Variants in CTTN observed in about 807,000 individuals in gnomAD.
CTTN encodes the protein src substrate cortactin.
In CTTN, 28 loss-of-function variants were observed where a neutral mutation model predicts 84.0. That is an observed-to-expected ratio of 0.33 (90% CI 0.25 to 0.46). The LOEUF (loss-of-function observed/expected upper bound fraction) is 0.46, where lower values mean the gene tolerates loss of function less well. Ranked by LOEUF, CTTN falls within the 20% of genes least tolerant of loss-of-function variation. The pLI is 1.00. For missense variants in CTTN, 641 were observed against 723.8 expected (o/e 0.89, Z 1.31); for synonymous variants, 301 against 288.8 (o/e 1.04, Z -0.43).
intron 15 of CTTN, among the ~76,000 whole-genome samples, chr11:70,432,402 CCA>C (rs888159429): frequency 2.0e-5 from 3 of 152,198 alleles, no homozygotes; most frequent in Admixed American, 2.0e-4. Flanking sequence ...CTGGCTCTTC[CCA>C]GATCTCCTGG....
chr11:70,406,152 C>T (rs2058038889), intron 2 of CTTN, among the ~76,000 whole-genome samples: 2 of 152,240 alleles, frequency 1.3e-5, no homozygotes, highest in African/African-American at 4.8e-5. Flanking sequence ...ACTGTTAGTC[C>T]TGCTACACCC....
At chr11:70,413,377 G>C (rs1225818002) in intron 5 of CTTN, among the ~76,000 whole-genome samples, 1 of 152,226 alleles carries the variant, frequency 6.6e-6, no homozygotes, top group African/African-American at 2.4e-5. Flanking sequence ...TGAGGAGGGA[G>C]CCTCAGAACC....
In CTTN at chr11:70,435,189, G is replaced by T; in HGVS notation, c.*27G>T. ...GCCCCCAGCCCCCCCCCGGAGCTGC[G>T]CCCTGGATCCTCACACTACAGATCA... On this transcript the variant is annotated 3_prime_UTR_variant, in exon 18 of 18. Coordinates refer to ENST00000301843, the MANE Select transcript of CTTN (RefSeq NM_005231.4). 1 of 1,587,800 alleles carries T rather than the reference G, an allele frequency of 6.3e-7. No homozygotes were observed.
At chr11:70,424,705 C>T (rs897485754) in intron 12 of CTTN, among the ~76,000 whole-genome samples, 11 of 151,736 alleles carry the variant, frequency 7.2e-5, no homozygotes, top group African/African-American at 1.9e-4. Context: ...GAAGGACAGG[C>T]GGGCCAGGAA....
intron 14 of CTTN, among the ~76,000 whole-genome samples, chr11:70,430,764 C>T (rs1164053713): frequency 1.3e-5 from 2 of 152,242 alleles, no homozygotes; most frequent in Admixed American, 1.3e-4. Context: ...GCAGCATCAA[C>T]TCAGACTCCC....
chr11:70,425,303 C>T lies in CTTN; in HGVS notation c.958-29C>T, dbSNP rs375574629. The T allele has an allele frequency of 6.3e-6, 10 of 1,590,120 alleles. No homozygotes were observed. In the African/African-American group the frequency reaches 1.1e-4, roughly 17 times the overall value. ...GGCATGGAGAAAAGAGAAAAGTGCT[C>T]TCCTGACGCCCATGTCCTGTCTCTG... On this transcript the variant is annotated intron_variant, in intron 12 of 17. Coordinates refer to ENST00000301843, the MANE Select transcript of CTTN (RefSeq NM_005231.4).
intron 11 of CTTN, chr11:70,422,310 G>A (rs911009997): frequency 1.1e-5 from 4 of 362,862 alleles, no homozygotes; most frequent in African/African-American, 4.3e-5. Context: ...CACCTGCAGC[G>A]TTAGAAACAC....
chr11:70,413,658 C>T (rs2058121396), intron 5 of CTTN, among the ~76,000 whole-genome samples: 1 of 152,190 alleles, frequency 6.6e-6, no homozygotes, highest in South Asian at 2.1e-4. Context: ...AACCTGTGTG[C>T]GCTGATGGGG....
intron 4 of CTTN, among the ~76,000 whole-genome samples, chr11:70,409,389 A>G (rs190693269): frequency 6.6e-6 from 1 of 152,346 alleles, no homozygotes; most frequent in East Asian, 1.9e-4. Flanking sequence ...AAGCTGGAGT[A>G]CTTCAAGTAC....
Position 70,420,400 on chromosome 11 carries a change from A to G in CTTN, c.680A>G (p.Asp227Gly). 2 of 1,609,158 alleles carry G rather than the reference A, an allele frequency of 1.2e-6. No individual in the cohort carries two copies. The highest frequency in any genetic ancestry group is 1.7e-6 in the Non-Finnish European group (2 of 1,175,400). The change falls in exon 10 of 18, where the codon GAC (aspartate) becomes GGC (glycine). Residue 227 changes from aspartate to glycine, a missense_variant and splice_region_variant. Asp to Gly is a moderately conservative substitution (Grantham distance 94). Transcript: ENST00000301843. ...TTCTGGCCTTTCATTGTGCATGTAG[A>G]CTATGTGAAAGGGTTTGGAGGAAAA... Reference protein sequence around the residue: ...GKTEKHESQKDYVKGFGGKFG... With the variant: ...GKTEKHESQKGYVKGFGGKFG...
intron 13 of CTTN, among the ~76,000 whole-genome samples, chr11:70,427,893 AT>A (rs34342669): frequency 0.2 from 29,694 of 152,100 alleles, 3,369 homozygotes; most frequent in Admixed American, 0.26. Flanking sequence ...GAAAGCTGGA[AT>A]TTTCCCGTTG....
At chr11:70,423,587 C>T (rs990953060) in intron 12 of CTTN, among the ~76,000 whole-genome samples, 2 of 152,166 alleles carry the variant, frequency 1.3e-5, no homozygotes, top group East Asian at 1.9e-4. Context: ...GGAGCAGTAG[C>T]CTGGGCTCAT....
chr11:70,411,450 G>A (rs912325029), intron 5 of CTTN, among the ~76,000 whole-genome samples: 1 of 152,208 alleles, frequency 6.6e-6, no homozygotes, highest in East Asian at 1.9e-4. Context: ...ACGGACAGAC[G>A]GAATCCATGT....
rs2058221201 is a variant in CTTN, at chr11:70,420,565, T to C, written c.790+55T>C. The stretch of plus-strand genomic sequence containing the variant: ...GTTTTAGAAGTTTGTTTTTGTTCCT[T>C]GCGGGGTCAGTTGGTATGTGTTGTG... On this transcript the variant is annotated intron_variant, in intron 10 of 17. Coordinates refer to ENST00000301843, the MANE Select transcript of CTTN (RefSeq NM_005231.4). The C allele has an allele frequency of 1.1e-5, 14 of 1,320,684 alleles. No homozygotes were observed. The South Asian group carries it at 1.7e-4, about 16-fold the overall frequency. 81.8% of individuals were successfully genotyped at this position (1,320,684 alleles called of 1,614,324 possible). A position where few individuals can be genotyped will look rare whatever the true frequency, so the allele number is the denominator to read the frequency against.
chr11:70,412,383 A>T (rs2058104639), intron 5 of CTTN, among the ~76,000 whole-genome samples: 1 of 152,162 alleles, frequency 6.6e-6, no homozygotes, highest in Admixed American at 6.6e-5. Context: ...TGATCGCACC[A>T]TTACAGTCCA....
In CTTN at chr11:70,435,278, T is replaced by TTTTTTG; in HGVS notation, c.*116_*117insTTTTTG. 3 of 1,113,744 alleles carry TTTTTTG rather than the reference T, an allele frequency of 2.7e-6. No homozygotes were observed. Among genetic ancestry groups the TTTTTTG allele is most frequent in the South Asian group, 1.9e-5 (1 of 52,412 alleles). The allele number at this position is 1,113,744 out of a possible 1,614,324, so 69.0% of individuals were successfully genotyped here. A position where few individuals can be genotyped will look rare whatever the true frequency, so the allele number is the denominator to read the frequency against. ...GTTTTTTTTTTTTTTTTTTTTTTTT[T>TTTTTTG]GAAGGTGGGGAGGGGAATATACACA... is the stretch of plus-strand genomic sequence containing the variant. On this transcript the variant is annotated 3_prime_UTR_variant, in exon 18 of 18. Transcript: ENST00000301843.
Position 70,429,197 on chromosome 11 carries a change from G to T in CTTN, c.1174G>T (p.Glu392Ter). Residue 392 changes from glutamate (E) to a stop codon, truncating the protein, a stop_gained and splice_region_variant, in exon 14 of 18, where the codon GAG becomes TAG. Transcript: ENST00000301843. LOFTEE classifies it high-confidence loss of function. ...QEQEEARRKL[E>*]EQARAKTQTP... ...GCAGGAAGAGGCCAGGAGGAAGCTGGAGGTGAGTGGCAAGGAGTGGGCCGC... is the reference window on the plus strand; with the variant it reads ...GCAGGAAGAGGCCAGGAGGAAGCTGTAGGTGAGTGGCAAGGAGTGGGCCGC... 1 of 1,611,576 alleles carries T rather than the reference G, an allele frequency of 6.2e-7. No homozygotes were observed. The highest frequency in any genetic ancestry group is 8.5e-7 in the Non-Finnish European group (1 of 1,179,224).
chr11:70,422,440 C>A, intron 11 of CTTN: 2 of 1,145,590 alleles, frequency 1.7e-6, no homozygotes, highest in Middle Eastern at 2.3e-4. Context: ...TCATGTGGAT[C>A]TGTGTTGCTG....
intron 13 of CTTN, among the ~76,000 whole-genome samples, chr11:70,425,867 C>A (rs573628551): frequency 6.6e-6 from 1 of 152,350 alleles, no homozygotes; most frequent in African/African-American, 2.4e-5. Context: ...CTTTTCTGTG[C>A]TGGACACACG....
Sources: gnomAD v4.1 joint callset for allele counts (sites outside exome capture counted in the v4.1 genomes callset) on GRCh38, gnomAD v4.1.1 for gene constraint, MANE v1.5 for transcripts, NCBI Gene and HGNC (gene_info 2026-07-23, HGNC 2026-07-21) for gene names.